The following BMPR1B variants were observed in gnomAD, a reference collection of about 807,000 sequenced individuals.
BMPR1B encodes the protein bone morphogenetic protein receptor type 1B.
In BMPR1B, 12 loss-of-function variants were observed where a neutral mutation model predicts 59.1. The ratio of observed to expected loss-of-function variants is 0.20; its 90% CI spans 0.13 to 0.33. The LOEUF is 0.33. Ranked by LOEUF, BMPR1B falls within the 10% of genes least tolerant of loss-of-function variation. The probability of loss-of-function intolerance (pLI) is 1.00; values close to 1 mark genes in which losing one functional copy is unlikely to be tolerated. For synonymous variants in BMPR1B, 237 were observed against 207.3 expected (o/e 1.14, Z -1.23); for missense variants, 550 against 610.9 (o/e 0.90, Z 1.05).
intron 1 of BMPR1B, among the ~76,000 whole-genome samples, chr4:94,777,963 T>A (rs1722441203): frequency 6.6e-6 from 1 of 151,626 alleles, no homozygotes; most frequent in African/African-American, 2.4e-5. Context: ...GAGGCGGAGG[T>A]TGCAGTGAGT....
chr4:95,015,423 G>A (rs1226882427), intron 3 of BMPR1B, among the ~76,000 whole-genome samples: 1 of 152,028 alleles, frequency 6.6e-6, no homozygotes, highest in Non-Finnish European at 1.5e-5. Context: ...TTTGATTGTT[G>A]TTGCCCCGTC....
At chr4:94,934,631 C>A (rs1379119756) in intron 2 of BMPR1B, among the ~76,000 whole-genome samples, 1 of 151,972 alleles carries the variant, frequency 6.6e-6, no homozygotes, top group African/African-American at 2.4e-5. Flanking sequence ...CTGGGAATTG[C>A]ATACAATGGG....
At chr4:94,822,499 G>A (rs1724243080) in intron 1 of BMPR1B, among the ~76,000 whole-genome samples, 1 of 152,122 alleles carries the variant, frequency 6.6e-6, no homozygotes, top group Admixed American at 6.5e-5. Context: ...AGAGAATAAA[G>A]AATGAGGAGC....
At chr4:94,906,348 A>G (rs1728040387) in intron 2 of BMPR1B, among the ~76,000 whole-genome samples, 1 of 152,116 alleles carries the variant, frequency 6.6e-6, no homozygotes, top group Admixed American at 6.6e-5. Flanking sequence ...TGTTATGTCA[A>G]AAGCGCAGTC....
rs2149334245 is a variant in BMPR1B at position 95,155,610 on chromosome 4, A to T, written c.*937A>T. 1 of 150,634 alleles carries T rather than the reference A, an allele frequency of 6.6e-6. No individual in the cohort carries two copies. Among genetic ancestry groups the T allele is most frequent in the East Asian group, 2.0e-4 (1 of 5,052 alleles). The allele number at this position is 150,634 out of a possible 1,614,324, so 9.3% of individuals were successfully genotyped here. ...TGTGTTGAAGACAGGGTGCTTTCAA[A>T]TAGAGGTAATTTGCTCTTGTGTTGT... On this transcript the variant is annotated 3_prime_UTR_variant, in exon 13 of 13. Coordinates refer to ENST00000515059, the MANE Select transcript of BMPR1B (RefSeq NM_001203.3).
At chr4:94,990,859 T>C (rs1721702955) in intron 2 of BMPR1B, among the ~76,000 whole-genome samples, 1 of 152,250 alleles carries the variant, frequency 6.6e-6, no homozygotes, top group South Asian at 2.1e-4. Context: ...CTTTTTCTTT[T>C]CTTCGTGGCC....
At chr4:94,878,714 A>G (rs989071069) in intron 2 of BMPR1B, among the ~76,000 whole-genome samples, 1 of 141,896 alleles carries the variant, frequency 7.0e-6, no homozygotes. Flanking sequence ...CCTCCCATAC[A>G]TTTCATTTAA....
intron 3 of BMPR1B, among the ~76,000 whole-genome samples, chr4:95,052,750 A>G (rs1726599852): frequency 6.6e-6 from 1 of 152,126 alleles, no homozygotes; most frequent in African/African-American, 2.4e-5. Flanking sequence ...TAATTTCTGT[A>G]TATATAAATG....
At chr4:95,066,098 G>A (rs1224748582) in intron 3 of BMPR1B, among the ~76,000 whole-genome samples, 1 of 152,146 alleles carries the variant, frequency 6.6e-6, no homozygotes, top group East Asian at 1.9e-4. Context: ...ATTTGCCTAT[G>A]AACCTTTATC....
At chr4:94,957,909 T>G (rs1285262895) in intron 2 of BMPR1B, among the ~76,000 whole-genome samples, 1 of 152,064 alleles carries the variant, frequency 6.6e-6, no homozygotes, top group East Asian at 1.9e-4. Flanking sequence ...ATAAGAAGCG[T>G]AGATGGAATC....
intron 3 of BMPR1B, among the ~76,000 whole-genome samples, chr4:95,102,451 T>C (rs925370570): frequency 2.0e-5 from 3 of 152,348 alleles, no homozygotes; most frequent in Non-Finnish European, 2.9e-5. Flanking sequence ...ATTTTTATTA[T>C]TGTGTTTTAA....
At chr4:94,921,086 A>T (rs1728670098) in intron 2 of BMPR1B, among the ~76,000 whole-genome samples, 1 of 152,180 alleles carries the variant, frequency 6.6e-6, no homozygotes, top group Non-Finnish European at 1.5e-5. Flanking sequence ...CTGTAGTGGT[A>T]GCATTAAGAC....
At chr4:94,844,488 T>C (rs1725237548) in intron 1 of BMPR1B, among the ~76,000 whole-genome samples, 2 of 152,238 alleles carry the variant, frequency 1.3e-5, no homozygotes, top group African/African-American at 4.8e-5. Flanking sequence ...CTGGTCAGCT[T>C]CTCTGCTCAA....
chr4:94,866,758 G>A (rs1268804115), intron 1 of BMPR1B, among the ~76,000 whole-genome samples: 11 of 151,850 alleles, frequency 7.2e-5, no homozygotes, highest in African/African-American at 2.7e-4. Flanking sequence ...TAATTTTTGT[G>A]TTTTTAGTAG....
chr4:94,905,019 A>G (rs543336542), intron 2 of BMPR1B, among the ~76,000 whole-genome samples: 3 of 152,200 alleles, frequency 2.0e-5, no homozygotes, highest in African/African-American at 7.2e-5. Context: ...TTTTTGGCAA[A>G]CACCATGAGA....
intron 1 of BMPR1B, among the ~76,000 whole-genome samples, chr4:94,809,432 A>G (rs558414205): frequency 3.9e-5 from 6 of 152,350 alleles, no homozygotes; most frequent in African/African-American, 1.2e-4. Context: ...CAAGGTTACT[A>G]TTACTCTGCG....
intron 3 of BMPR1B, among the ~76,000 whole-genome samples, chr4:95,034,986 G>C (rs956771107): frequency 6.6e-6 from 1 of 152,000 alleles, no homozygotes; most frequent in Non-Finnish European, 1.5e-5. Flanking sequence ...GCAGGAGTAA[G>C]GTTGTATCTC....
chr4:94,825,551 T>C (rs1364814090), intron 1 of BMPR1B, among the ~76,000 whole-genome samples: 3 of 152,124 alleles, frequency 2.0e-5, no homozygotes, highest in African/African-American at 7.2e-5. Flanking sequence ...CCATCTTTTT[T>C]TTTAAGATGG....
chr4:95,032,965 C>G (rs912301424), intron 3 of BMPR1B, among the ~76,000 whole-genome samples: 1 of 152,164 alleles, frequency 6.6e-6, no homozygotes, highest in African/African-American at 2.4e-5. Flanking sequence ...GCTCCAGTTT[C>G]TCCACATTCT....
Sources: gnomAD v4.1 joint callset for allele counts (sites outside exome capture counted in the v4.1 genomes callset) on GRCh38, gnomAD v4.1.1 for gene constraint, MANE v1.5 for transcripts, NCBI Gene and HGNC (gene_info 2026-07-23, HGNC 2026-07-21) for gene names.